The following METTL8 variants were observed in gnomAD, a reference collection of about 807,000 sequenced individuals.
METTL8 encodes methyltransferase 8, tRNA N3-cytidine.
Under a neutral mutation model 48.7 loss-of-function variants are expected in METTL8, and 32 were observed. That is an observed-to-expected ratio of 0.66 (90% CI 0.50 to 0.88). The LOEUF (loss-of-function observed/expected upper bound fraction) is 0.88, where lower values mean the gene tolerates loss of function less well. METTL8 is among the 40% of genes least tolerant of loss of function. The pLI, the probability that METTL8 is intolerant of heterozygous loss-of-function variation, is 0.00. For missense variants in METTL8, 464 were observed against 474.4 expected (o/e 0.98, Z 0.20); for synonymous variants, 136 against 157.1 (o/e 0.87, Z 1.01).
At chr2:171,404,735 T>C (rs187422648) in intron 1 of METTL8, among the ~76,000 whole-genome samples, 9 of 152,248 alleles carry the variant, frequency 5.9e-5, no homozygotes, top group Non-Finnish European at 2.9e-5. Context: ...GACTGATCAA[T>C]GAAAATCAAA....
intron 2 of METTL8, among the ~76,000 whole-genome samples, chr2:171,388,211 C>T (rs1458905692): frequency 1.3e-5 from 2 of 152,226 alleles, no homozygotes; most frequent in African/African-American, 2.4e-5. Context: ...TCTTCTGTCA[C>T]GATCTCTTGC....
rs1685311170 is a variant in METTL8 at position 171,362,921 on chromosome 2, T to C, written c.144-2408A>G. On this transcript the variant is annotated intron_variant, in intron 2 of 9. Transcript: ENST00000375258. Reference sequence around the variant, plus strand: ...GTGAAATTAAAGGCAACAAGTTATTTATTGAAAAAACAGTATTTCTAAGGC... The same window carrying C: ...GTGAAATTAAAGGCAACAAGTTATTCATTGAAAAAACAGTATTTCTAAGGC... Among the ~76,000 whole-genome samples the C allele has an allele frequency of 2.6e-5, 4 of 152,184 alleles. No individual in the cohort carries two copies. The South Asian group carries it at 8.3e-4, about 31-fold the overall frequency.
chr2:171,330,803 G>C (rs1685450716), intron 6 of METTL8, 105 bp from the exon 7 acceptor site: 3 of 874,960 alleles, frequency 3.4e-6, no homozygotes, highest in African/African-American at 1.7e-5. Context: ...TCTCCCAAAA[G>C]CCTTTCCTCT....
chr2:171,428,361 T>G (rs1463884355), intron 1 of METTL8, among the ~76,000 whole-genome samples: 1 of 152,202 alleles, frequency 6.6e-6, no homozygotes, highest in African/African-American at 2.4e-5. Context: ...GTAGCTGCTA[T>G]TGCCAAGTAT....
chr2:171,336,944 T>G (rs1686187713), intron 5 of METTL8, among the ~76,000 whole-genome samples: 1 of 143,574 alleles, frequency 7.0e-6, no homozygotes. Context: ...GTCGGGTCAC[T>G]GCAAACTCTG....
At chr2:171,396,214 A>AT (rs1379966334) in intron 1 of METTL8, among the ~76,000 whole-genome samples, 1 of 152,042 alleles carries the variant, frequency 6.6e-6, no homozygotes, top group African/African-American at 2.4e-5. Flanking sequence ...GTGAGCCGAG[A>AT]TTGTGCCACT....
intron 1 of METTL8, among the ~76,000 whole-genome samples, chr2:171,402,397 A>C (rs1689729257): frequency 6.6e-6 from 1 of 152,198 alleles, no homozygotes; most frequent in African/African-American, 2.4e-5. Context: ...CAAGGAAATC[A>C]GAATTGAACA....
chr2:171,369,716 A>G (rs1458416807), intron 2 of METTL8, among the ~76,000 whole-genome samples: 1 of 152,226 alleles, frequency 6.6e-6, no homozygotes, highest in Non-Finnish European at 1.5e-5. Context: ...TTCCTAAAAC[A>G]GAATGCAAAG....
intron 1 of METTL8, among the ~76,000 whole-genome samples, chr2:171,408,010 G>A (rs2105612970): frequency 6.6e-6 from 1 of 152,282 alleles, no homozygotes; most frequent in South Asian, 2.1e-4. Context: ...TATAATGAGA[G>A]TTGCAATTTA....
chr2:171,339,641 CATT>C (rs1686498817), intron 3 of METTL8, 87 bp from the exon 4 acceptor site: 1 of 596,574 alleles, frequency 1.7e-6, no homozygotes, highest in Non-Finnish European at 2.7e-6. Flanking sequence ...TAAACATATA[CATT>C]ATCATTTATA....
At chr2:171,355,027 T>C (rs1292263297) in intron 3 of METTL8, among the ~76,000 whole-genome samples, 5 of 152,262 alleles carry the variant, frequency 3.3e-5, no homozygotes. Context: ...CGCGTTCCTT[T>C]GGAGGAGAAG....
intron 3 of METTL8, among the ~76,000 whole-genome samples, chr2:171,339,928 G>A (rs1686534802): frequency 6.6e-6 from 1 of 152,220 alleles, no homozygotes; most frequent in African/African-American, 2.4e-5. Flanking sequence ...TCCAGGCGCG[G>A]TGGCTCATGC....
In METTL8 at chr2:171,335,286, T is replaced by A. The variant is rs553622854; in HGVS notation, c.656+2167A>T. ...AGGTTTATAATAATATTAGAGAGTA[T>A]ACTGAGTTTTGGGAGATATATCCTG... is the stretch of plus-strand genomic sequence containing the variant. On this transcript the variant is annotated intron_variant, in intron 5 of 9. Transcript: ENST00000375258. 3.1e-4 allele frequency among the ~76,000 whole-genome samples: 47 copies of A among 152,294 alleles called. No homozygotes were observed. In the South Asian group the frequency reaches 4.8e-3, roughly 15 times the overall value.
At chr2:171,388,394 C>G (rs1439253843) in intron 2 of METTL8, among the ~76,000 whole-genome samples, 2 of 152,176 alleles carry the variant, frequency 1.3e-5, no homozygotes, top group Admixed American at 6.5e-5. Context: ...AACCTACCCC[C>G]CATCTGGCCT....
intron 1 of METTL8, among the ~76,000 whole-genome samples, chr2:171,430,458 C>G (rs1692891200): frequency 6.6e-6 from 1 of 152,024 alleles, no homozygotes; most frequent in African/African-American, 2.4e-5. Flanking sequence ...ATGGGTGCAG[C>G]AAATCACGAT....
intron 3 of METTL8, among the ~76,000 whole-genome samples, chr2:171,341,781 C>T (rs574345626): frequency 6.7e-6 from 1 of 149,850 alleles, no homozygotes; most frequent in African/African-American, 2.4e-5. Flanking sequence ...TCTGTAACCA[C>T]TCATTAAAAT....
intron 7 of METTL8, among the ~76,000 whole-genome samples, chr2:171,329,078 T>C (rs1559047277): frequency 6.6e-6 from 1 of 152,082 alleles, no homozygotes; most frequent in Non-Finnish European, 1.5e-5. Context: ...CTCTGCCTCC[T>C]GAGTTCAAAC....
At chr2:171,432,079 G>A (rs577218161) in intron 1 of METTL8, among the ~76,000 whole-genome samples, 13 of 152,284 alleles carry the variant, frequency 8.5e-5, no homozygotes, top group Admixed American at 3.9e-4. Flanking sequence ...TGAGCCCACA[G>A]TCAGGTGGCC....
rs1684380798 is a variant in METTL8 at position 171,318,724 on chromosome 2, C to T, written c.*5448G>A. The T allele has an allele frequency of 6.6e-6, 1 of 151,944 alleles. No homozygotes were observed. The highest frequency in any genetic ancestry group is 2.1e-4 in the South Asian group (1 of 4,816). 9.4% of individuals were successfully genotyped at this position (151,944 alleles called of 1,614,324 possible). A position where few individuals can be genotyped will look rare whatever the true frequency, so the allele number is the denominator to read the frequency against. On this transcript the variant is annotated 3_prime_UTR_variant, in exon 10 of 10. Transcript: ENST00000375258. ...GATTGGATCTAGAATGAGCCATAAC[C>T]TTGAAGGTCGTCTGAAACAAACTCC... is the stretch of plus-strand genomic sequence containing the variant.
Sources: gnomAD v4.1 joint callset for allele counts (sites outside exome capture counted in the v4.1 genomes callset) on GRCh38, gnomAD v4.1.1 for gene constraint, MANE v1.5 for transcripts, NCBI Gene and HGNC (gene_info 2026-07-23, HGNC 2026-07-21) for gene names.